Variants in TENM2 observed in about 807,000 individuals in gnomAD.
The protein encoded by TENM2 is teneurin transmembrane protein 2.
TENM2 carries 52 observed loss-of-function variants against 245.2 expected under a neutral mutation model. That is an observed-to-expected ratio of 0.21 (90% CI 0.17 to 0.27). TENM2 has a LOEUF of 0.27. Among genes scored for constraint, TENM2 ranks in the 10% least tolerant of loss-of-function variants. The probability of loss-of-function intolerance (pLI) is 1.00; values close to 1 mark genes in which losing one functional copy is unlikely to be tolerated. For missense variants in TENM2, 3,046 were observed against 3,666.8 expected, an observed-to-expected ratio of 0.83 and a Z score of 4.37; for synonymous variants, 1,363 against 1,438.9, an observed-to-expected ratio of 0.95 and a Z score of 1.19.
chr5:167,513,006 A>G (rs954860074), intron 2 of TENM2, among the ~76,000 whole-genome samples: 1 of 152,218 alleles, frequency 6.6e-6, no homozygotes, highest in African/African-American at 2.4e-5. Context: ...AAATGGGACT[A>G]AGTGTAACTG....
intron 4 of TENM2, among the ~76,000 whole-genome samples, chr5:167,963,445 TA>T (rs1447434473): frequency 2.0e-5 from 3 of 152,176 alleles, no homozygotes; most frequent in Non-Finnish European, 4.4e-5. Flanking sequence ...TCATACCAAA[TA>T]AGAATTGGTC....
Position 167,815,299 on chromosome 5 carries a change from C to T in TENM2, c.503-60687C>T, listed in dbSNP as rs539749877. 9.2e-5 allele frequency among the ~76,000 whole-genome samples: 14 copies of T among 152,166 alleles called. No individual in the cohort carries two copies. The East Asian group carries it at 2.1e-3, about 23-fold the overall frequency. Reference sequence around the variant, plus strand: ...TTAAGTGAAAGGGGAGAGTTTGTAACGATCCCATAATATATCTGAGCCCAT... The same window carrying T: ...TTAAGTGAAAGGGGAGAGTTTGTAATGATCCCATAATATATCTGAGCCCAT... On this transcript the variant is annotated intron_variant, in intron 2 of 28. Transcript: ENST00000518659.
chr5:167,886,899 G>C (rs1419474117), intron 3 of TENM2, among the ~76,000 whole-genome samples: 1 of 152,200 alleles, frequency 6.6e-6, no homozygotes, highest in East Asian at 1.9e-4. Context: ...AACCTCAGTA[G>C]TTAGGCATTG....
At chr5:167,353,683 A>AT (rs561230986) in intron 1 of TENM2, among the ~76,000 whole-genome samples, 155 of 150,680 alleles carry the variant, frequency 1.0e-3, no homozygotes, top group African/African-American at 3.6e-3. Context: ...AATTTTTTGT[A>AT]TTTTTAGTAG....
intron 3 of TENM2, among the ~76,000 whole-genome samples, chr5:167,878,347 C>T (rs1773595863): frequency 1.3e-5 from 2 of 152,102 alleles, no homozygotes; most frequent in South Asian, 4.1e-4. Context: ...GAGAAAATGC[C>T]ACAGAAAATT....
chr5:167,771,681 G>C (rs1026441851), intron 2 of TENM2, among the ~76,000 whole-genome samples: 2 of 152,126 alleles, frequency 1.3e-5, no homozygotes, highest in Non-Finnish European at 2.9e-5. Context: ...GGCTGCATCT[G>C]ATGGCTTCGC....
At chr5:167,817,550 A>G (rs1583086492) in intron 2 of TENM2, among the ~76,000 whole-genome samples, 1 of 152,348 alleles carries the variant, frequency 6.6e-6, no homozygotes, top group East Asian at 1.9e-4. Context: ...CATCAAAACC[A>G]TTAGATAGTT....
chr5:167,712,511 T>G (rs1250409920), intron 2 of TENM2, among the ~76,000 whole-genome samples: 1 of 152,222 alleles, frequency 6.6e-6, no homozygotes, highest in African/African-American at 2.4e-5. Context: ...AAAATTCCTA[T>G]TCATGCCACA....
the TENM2 span, among the ~76,000 whole-genome samples, chr5:167,015,481 A>G: frequency 1.3e-5 from 2 of 152,236 alleles, no homozygotes; most frequent in Non-Finnish European, 2.9e-5. Flanking sequence ...CTAACATAGC[A>G]TAAGAATATA....
the TENM2 span, among the ~76,000 whole-genome samples, chr5:167,008,739 T>C: frequency 6.6e-6 from 1 of 152,184 alleles, no homozygotes; most frequent in East Asian, 1.9e-4. Context: ...ATGCTGAGGA[T>C]GTTTCTAAGG....
At chr5:168,215,687 C>T (rs574545219) in intron 21 of TENM2, among the ~76,000 whole-genome samples, 1 of 152,272 alleles carries the variant, frequency 6.6e-6, no homozygotes, top group Non-Finnish European at 1.5e-5. Flanking sequence ...AAAAGAAAAC[C>T]TTATTTATTT....
rs1411783970 is a variant in TENM2, at chr5:167,696,766, C to T, written c.503-179220C>T. Among the ~76,000 whole-genome samples, 7 of 152,138 alleles carry T rather than the reference C, an allele frequency of 4.6e-5. 1 individual carries two copies. The highest frequency in any genetic ancestry group is 3.9e-4 in the East Asian group (2 of 5,178). ...AAAACCACACTTTGTCGGAGAGACT[C>T]GTGCTACAGCCTCCTGAGGATCTCC... On this transcript the variant is annotated intron_variant, in intron 2 of 28. Transcript: ENST00000518659.
chr5:167,436,845 T>C (rs1452348275), intron 2 of TENM2, among the ~76,000 whole-genome samples: 1 of 152,208 alleles, frequency 6.6e-6, no homozygotes, highest in Non-Finnish European at 1.5e-5. Context: ...GTGTTGAGCC[T>C]GCAGGTGCAC....
intron 2 of TENM2, among the ~76,000 whole-genome samples, chr5:167,585,642 T>C (rs995995196): frequency 5.9e-5 from 9 of 152,202 alleles, no homozygotes; most frequent in African/African-American, 2.2e-4. Context: ...CTAAAAACAT[T>C]GTATTTCTAT....
intron 2 of TENM2, among the ~76,000 whole-genome samples, chr5:167,874,956 T>C (rs1223384162): frequency 6.6e-6 from 1 of 152,202 alleles, no homozygotes; most frequent in African/African-American, 2.4e-5. Flanking sequence ...GGCCAACTCT[T>C]TGGGATGCCA....
At chr5:167,399,529 C>T (rs1333847915) in intron 2 of TENM2, among the ~76,000 whole-genome samples, 1 of 152,182 alleles carries the variant, frequency 6.6e-6, no homozygotes, top group Non-Finnish European at 1.5e-5. Context: ...TAATTCACAT[C>T]CTCAGAAGAA....
At chr5:167,486,393 A>T (rs1768077698) in intron 2 of TENM2, among the ~76,000 whole-genome samples, 1 of 147,576 alleles carries the variant, frequency 6.8e-6, no homozygotes, top group Admixed American at 6.9e-5. Context: ...CAGTGGCGCC[A>T]TCTCGGCTTG....
At chr5:168,245,518 G>C (rs1345300280) in intron 26 of TENM2, among the ~76,000 whole-genome samples, 1 of 149,388 alleles carries the variant, frequency 6.7e-6, no homozygotes, top group Non-Finnish European at 1.5e-5. Flanking sequence ...CCCTGTGTCT[G>C]AAAGTGCCAA....
At chr5:167,317,375 C>G (rs1283456326) in intron 1 of TENM2, among the ~76,000 whole-genome samples, 1 of 152,086 alleles carries the variant, frequency 6.6e-6, no homozygotes, top group Non-Finnish European at 1.5e-5. Flanking sequence ...CTTAGTTGCT[C>G]TTTCATCCTA....
Sources: gnomAD v4.1 joint callset for allele counts (sites outside exome capture counted in the v4.1 genomes callset) on GRCh38, gnomAD v4.1.1 for gene constraint, MANE v1.5 for transcripts, NCBI Gene and HGNC (gene_info 2026-07-23, HGNC 2026-07-21) for gene names.